FRYL: variants seen among roughly 807,000 people sequenced by gnomAD.
The protein encoded by FRYL is protein furry homolog-like.
A neutral mutation model predicts 351.2 loss-of-function variants in FRYL; 150 were observed. The ratio of observed to expected loss-of-function variants is 0.43; its 90% CI spans 0.37 to 0.49. The LOEUF is 0.49. Among genes scored for constraint, FRYL ranks in the 20% least tolerant of loss-of-function variants. FRYL has a pLI of 0.00. For synonymous variants in FRYL, 1,153 were observed against 1,257.1 expected, an observed-to-expected ratio of 0.92 and a Z score of 1.75; for missense variants, 3,036 against 3,619.3, an observed-to-expected ratio of 0.84 and a Z score of 4.13.
At chr4:48,565,506 A>T (rs773939269) in intron 29 of FRYL, 25 bp downstream of exon 29, 1 of 1,516,276 alleles carries the variant, frequency 6.6e-7, no homozygotes, top group South Asian at 1.3e-5. Context: ...TTAAGAAAAA[A>T]GAAATCAGGT....
At chr4:48,694,359 G>T (rs1578744488) in intron 2 of FRYL, among the ~76,000 whole-genome samples, 2 of 150,718 alleles carry the variant, frequency 1.3e-5, no homozygotes, top group African/African-American at 4.9e-5. Context: ...ATGGAATGGC[G>T]CAATCTCAAT....
At chr4:48,511,097 T>C (rs1299088799) in intron 57 of FRYL, 113 bp from the exon 58 acceptor site, 9 of 594,410 alleles carry the variant, frequency 1.5e-5, no homozygotes, top group East Asian at 6.1e-5. Flanking sequence ...TAATGATATA[T>C]AGAACTTTAA....
intron 56 of FRYL, among the ~76,000 whole-genome samples, chr4:48,514,103 TTGTA>T (rs749563087): frequency 6.6e-6 from 1 of 152,178 alleles, no homozygotes; most frequent in African/African-American, 2.4e-5. Flanking sequence ...CTCCAATGTG[TTGTA>T]TGTGTTAAAA....
intron 1 of FRYL, among the ~76,000 whole-genome samples, chr4:48,754,733 T>C (rs1182963905): frequency 6.6e-6 from 1 of 150,736 alleles, no homozygotes; most frequent in African/African-American, 2.4e-5. Context: ...AGTGGCATGA[T>C]CTTGGCGCAC....
chr4:48,529,055 C>G (rs1455340621), intron 50 of FRYL, among the ~76,000 whole-genome samples: 1 of 152,160 alleles, frequency 6.6e-6, no homozygotes, highest in Non-Finnish European at 1.5e-5. Context: ...ACTTCACACA[C>G]CAGCAAAACT....
At chr4:48,695,436 G>C (rs1307067745) in intron 2 of FRYL, among the ~76,000 whole-genome samples, 1 of 151,934 alleles carries the variant, frequency 6.6e-6, no homozygotes, top group African/African-American at 2.4e-5. Context: ...ATGCTACTAT[G>C]TATCATTTGA....
chr4:48,593,544 A>G (rs956403806), intron 16 of FRYL, among the ~76,000 whole-genome samples: 2 of 151,960 alleles, frequency 1.3e-5, no homozygotes, highest in African/African-American at 4.8e-5. Flanking sequence ...GGGTTTCTCC[A>G]TGTTGGGGTC....
At chr4:48,778,966 A>G (rs1349386110) in intron 1 of FRYL, among the ~76,000 whole-genome samples, 2 of 151,708 alleles carry the variant, frequency 1.3e-5, no homozygotes, top group Admixed American at 1.3e-4. Context: ...CAGCTCTACT[A>G]AGAACTCTTG....
At chr4:48,710,274 A>G (rs1308025925) in intron 2 of FRYL, among the ~76,000 whole-genome samples, 1 of 152,248 alleles carries the variant, frequency 6.6e-6, no homozygotes, top group Non-Finnish European at 1.5e-5. Context: ...ATAAGGGACT[A>G]TAGAGTACAA....
intron 3 of FRYL, among the ~76,000 whole-genome samples, chr4:48,662,775 A>T (rs1312156956): frequency 1.3e-5 from 2 of 151,654 alleles, no homozygotes; most frequent in African/African-American, 2.4e-5. Context: ...GAAAAAAAAA[A>T]AAAAAAAAAG....
chr4:48,506,553 A>G (rs1720968399), intron 59 of FRYL: 1 of 145,222 alleles, frequency 6.9e-6, no homozygotes, highest in African/African-American at 2.6e-5. Context: ...ACAGTTTGAT[A>G]TTATCAGTTG....
At chr4:48,680,220 T>G (rs1042702562) in intron 3 of FRYL, among the ~76,000 whole-genome samples, 2 of 152,020 alleles carry the variant, frequency 1.3e-5, no homozygotes, top group Non-Finnish European at 2.9e-5. Context: ...AATAGCATAT[T>G]AATTTATAGG....
At position 48,569,493 on chromosome 4, in the gene FRYL, G is replaced by A. The variant is rs540870322; in HGVS notation, c.2996+1334C>T. 2.0e-4 allele frequency among the ~76,000 whole-genome samples: 31 copies of A among 152,314 alleles called. No individual in the cohort carries two copies. In the East Asian group the frequency reaches 3.7e-3, roughly 18 times the overall value. ...AGCTAATTTTTGTATTTTTGGTAGA[G>A]ACGGGGTTTCGCCATGTTGGCCAGG... On this transcript the variant is annotated intron_variant, in intron 27 of 63. Coordinates refer to ENST00000358350, the MANE Select transcript of FRYL (RefSeq NM_015030.2).
chr4:48,544,823 A>G lies in FRYL; in HGVS notation c.5361T>C (p.Phe1787=). 6.2e-7 allele frequency: 1 copy of G among 1,607,542 alleles called. No homozygotes were observed. The highest frequency in any genetic ancestry group is 8.5e-7 in the Non-Finnish European group (1 of 1,177,742). Residue 1787 remains phenylalanine, a synonymous_variant, in exon 43 of 64, where the codon TTT becomes TTC. Transcript: ENST00000358350. ...TAAAAACAGAAACCACATGTTTCAA[A>G]AATGTAGTTAACTGTTCAGCACTCT... is the stretch of plus-strand genomic sequence containing the variant. ...SIKSAEQLTT[F]LKHVVSVFKQ...
intron 1 of FRYL, among the ~76,000 whole-genome samples, chr4:48,756,141 G>A (rs1371792078): frequency 2.6e-5 from 4 of 151,158 alleles, no homozygotes; most frequent in African/African-American, 9.8e-5. Flanking sequence ...GCCGAGGCGG[G>A]AAGAATTGGT....
chr4:48,527,567 T>C lies in FRYL; in HGVS notation c.7227A>G (p.Glu2409=), dbSNP rs1726523494. 6.2e-7 allele frequency: 1 copy of C among 1,613,362 alleles called. No homozygotes were observed. Among genetic ancestry groups the C allele is most frequent in the Non-Finnish European group, 8.5e-7 (1 of 1,179,508 alleles). The change falls in exon 53 of 64, where the codon GAA becomes GAG. Residue 2409 remains glutamate, a synonymous_variant. Coordinates refer to ENST00000358350, the MANE Select transcript of FRYL (RefSeq NM_015030.2). ...TGCTATTATCTTCCACAGCTACTTC[T>C]TCCTCTTGATTTATGTCTTCTGTTG... is the stretch of plus-strand genomic sequence containing the variant. ...ISTTEDINQE[E]EVAVEDNSSE... is the part of the protein sequence containing the mutation.
chr4:48,502,827 C>A lies in FRYL; in HGVS notation c.8481+1G>T. On this transcript the variant is annotated splice_donor_variant, in intron 61 of 63. Transcript: ENST00000358350. LOFTEE classifies it high-confidence loss of function. ...TCTATAAATCAAGACAGGTCACTTA[C>A]TGCTAGTATTTCCATTTGCTAAGCA... The A allele has an allele frequency of 1.2e-6, 2 of 1,610,038 alleles. No homozygotes were observed. The highest frequency in any genetic ancestry group is 1.7e-6 in the Non-Finnish European group (2 of 1,177,246).
In FRYL at chr4:48,718,489, C is replaced by T. The variant is rs572085593; in HGVS notation, c.-383-7791G>A. Among the ~76,000 whole-genome samples, 57 of 151,548 alleles carry T rather than the reference C, an allele frequency of 3.8e-4. 1 individual carries two copies. The highest frequency in any genetic ancestry group is 1.2e-3 in the African/African-American group (48 of 41,428). ...TGTTTAAGAGAACTTCTACTCTATA[C>T]GTTAGTTGTATAAAAGATGAACATA... On this transcript the variant is annotated intron_variant, in intron 1 of 63. Coordinates refer to ENST00000358350, the MANE Select transcript of FRYL (RefSeq NM_015030.2).
chr4:48,614,040 G>C (rs1474594520), intron 7 of FRYL, among the ~76,000 whole-genome samples: 2 of 149,910 alleles, frequency 1.3e-5, no homozygotes, highest in Non-Finnish European at 3.0e-5. Flanking sequence ...AGGAAAGAAA[G>C]AGAAACACAG....
Sources: gnomAD v4.1 joint callset for allele counts (sites outside exome capture counted in the v4.1 genomes callset) on GRCh38, gnomAD v4.1.1 for gene constraint, MANE v1.5 for transcripts, NCBI Gene and HGNC (gene_info 2026-07-23, HGNC 2026-07-21) for gene names.